AFDN: variants seen among roughly 807,000 people sequenced by gnomAD.
AFDN encodes afadin, adherens junction formation factor.
Under a neutral mutation model 216.6 loss-of-function variants are expected in AFDN, and 68 were observed. The observed-to-expected ratio is 0.31, with a 90% CI of 0.26 to 0.38. AFDN has a LOEUF of 0.38. Ranked by LOEUF, AFDN falls within the 10% of genes least tolerant of loss-of-function variation. The probability of loss-of-function intolerance (pLI) is 1.00; values close to 1 mark genes in which losing one functional copy is unlikely to be tolerated. For missense variants in AFDN, 2,136 were observed against 2,342.0 expected (o/e 0.91, Z 1.82); for synonymous variants, 868 against 853.7 (o/e 1.02, Z -0.29).
chr6:167,910,411 A>G (rs1031934551), intron 13 of AFDN, among the ~76,000 whole-genome samples: 4 of 152,232 alleles, frequency 2.6e-5, no homozygotes, highest in Admixed American at 1.3e-4. Context: ...CATCAGCACA[A>G]TGCTAGTTTT....
At chr6:167,849,452 C>G (rs1257505225) in intron 1 of AFDN, among the ~76,000 whole-genome samples, 2 of 52,348 alleles carry the variant, frequency 3.8e-5, no homozygotes, top group African/African-American at 1.1e-4. Context: ...TCAAAAGTAT[C>G]CTTATATGAG....
At chr6:167,921,977 A>T (rs1039776692) in intron 21 of AFDN, among the ~76,000 whole-genome samples, 1 of 152,218 alleles carries the variant, frequency 6.6e-6, no homozygotes, top group African/African-American at 2.4e-5. Flanking sequence ...ACTGCCAGGG[A>T]AAACTCCTCA....
At chr6:167,920,157 G>C (rs559588957) in intron 21 of AFDN, among the ~76,000 whole-genome samples, 9 of 152,142 alleles carry the variant, frequency 5.9e-5, no homozygotes, top group Non-Finnish European at 1.3e-4. Flanking sequence ...TTTTAGGAAA[G>C]TGTGTGTGAA....
intron 22 of AFDN, among the ~76,000 whole-genome samples, chr6:167,923,559 G>A (rs961882782): frequency 6.7e-6 from 1 of 149,638 alleles, no homozygotes; most frequent in Non-Finnish European, 1.5e-5. Flanking sequence ...ATTGATGATC[G>A]TTCTTTTGTA....
At chr6:167,924,786 T>A (rs1792290389) in intron 22 of AFDN, among the ~76,000 whole-genome samples, 1 of 152,212 alleles carries the variant, frequency 6.6e-6, no homozygotes, top group Non-Finnish European at 1.5e-5. Flanking sequence ...GTGACTAAAT[T>A]CATCTTTAAG....
intron 22 of AFDN, 100 bp downstream of exon 22, chr6:167,923,059 C>A: frequency 3.8e-6 from 3 of 793,614 alleles, no homozygotes; most frequent in Non-Finnish European, 6.1e-6. Flanking sequence ...GGTGTGATGG[C>A]AGAGTTTTAA....
In AFDN at chr6:167,837,724, G is replaced by A. The variant is rs1265118665; in HGVS notation, c.105+10487G>A. On this transcript the variant is annotated intron_variant, in intron 1 of 33. Coordinates refer to ENST00000683244, the MANE Select transcript of AFDN (RefSeq NM_001386888.1). ...GGGAGATTAAATAACTTGCTTCAGG[G>A]TATGCAAAACTAGTAAGCCACAGAG... Among the ~76,000 whole-genome samples, 4 of 152,182 alleles carry A rather than the reference G, an allele frequency of 2.6e-5. 1 individual carries two copies. Among genetic ancestry groups the A allele is most frequent in the Admixed American group, 2.0e-4 (3 of 15,276 alleles).
At position 167,898,375 on chromosome 6, in the gene AFDN, A is replaced by G. The variant is rs756401407; in HGVS notation, c.1488A>G (p.Val496=). The change falls in exon 11 of 34, where the codon GTA becomes GTG. Residue 496 remains valine, a synonymous_variant. Coordinates refer to ENST00000683244, the MANE Select transcript of AFDN (RefSeq NM_001386888.1). Reference sequence around the variant, plus strand: ...AAGTGCAGTTTGGGGCGTCCCATGTATTTAAGTTTGTGGACCCCAGTCAGG... The same window carrying G: ...AAGTGCAGTTTGGGGCGTCCCATGTGTTTAAGTTTGTGGACCCCAGTCAGG... The part of the protein sequence containing the change: ...GMKVQFGASH[V]FKFVDPSQDH... The G allele has an allele frequency of 6.2e-7, 1 of 1,614,080 alleles. No individual in the cohort carries two copies. Among genetic ancestry groups the G allele is most frequent in the Non-Finnish European group, 8.5e-7 (1 of 1,180,034 alleles).
chr6:167,962,919 G>A lies in AFDN; in HGVS notation c.4968+352G>A. On this transcript the variant is annotated intron_variant, in intron 31 of 33. Transcript: ENST00000683244. The surrounding 1 kb of genome is among the most constrained non-coding windows in gnomAD (Gnocchi z 5.2). Reference sequence around the variant, plus strand: ...ATTGTGAAGGTGACATTGGTTCAGTGATTGCTTAAATGGCATGTGGACCGT... The same window carrying A: ...ATTGTGAAGGTGACATTGGTTCAGTAATTGCTTAAATGGCATGTGGACCGT... The A allele has an allele frequency of 8.7e-7, 1 of 1,146,578 alleles. No homozygotes were observed. Among genetic ancestry groups the A allele is most frequent in the South Asian group, 3.5e-5 (1 of 28,814 alleles). The allele number at this position is 1,146,578 out of a possible 1,614,324, so 71.0% of individuals were successfully genotyped here.
intron 31 of AFDN, chr6:167,963,079 G>T: frequency 9.4e-7 from 1 of 1,068,558 alleles, no homozygotes; most frequent in East Asian, 4.9e-5. Flanking sequence ...GGAAAATTTA[G>T]TATGTAATCC....
At chr6:167,841,377 G>A (rs1781054665) in intron 1 of AFDN, among the ~76,000 whole-genome samples, 1 of 152,110 alleles carries the variant, frequency 6.6e-6, no homozygotes, top group African/African-American at 2.4e-5. Context: ...AAAAAGTTGT[G>A]TGAAGAGAGA....
chr6:167,906,019 C>T (rs1333717084), intron 12 of AFDN, among the ~76,000 whole-genome samples: 3 of 152,098 alleles, frequency 2.0e-5, no homozygotes, highest in African/African-American at 4.8e-5. Context: ...AGGAGAATGG[C>T]GTGAACCTGG....
intron 5 of AFDN, 124 bp downstream of exon 5, chr6:167,875,619 G>T (rs766944001): frequency 1.0e-6 from 1 of 990,022 alleles, no homozygotes; most frequent in East Asian, 2.4e-5. Flanking sequence ...TAACAAATGT[G>T]TACCATATAC....
rs750792292 is a variant in AFDN, at chr6:167,914,266, A to G, written c.2157A>G (p.Thr719=). The G allele has an allele frequency of 2.9e-5, 47 of 1,614,088 alleles. No individual in the cohort carries two copies. The highest frequency in any genetic ancestry group is 3.9e-5 in the Non-Finnish European group (46 of 1,180,036). Residue 719 remains threonine (T), a synonymous_variant, in exon 17 of 34, where the codon ACA becomes ACG. Transcript: ENST00000683244. ...AAGACCGAGACCTTAGTCGGATCACACTGGATGCTCAAGATGTTTTAGCAC... is the reference window on the plus strand; with the variant it reads ...AAGACCGAGACCTTAGTCGGATCACGCTGGATGCTCAAGATGTTTTAGCAC... ...IKQDRDLSRI[T]LDAQDVLAHL...
At chr6:167,897,448 G>A (rs921358183) in intron 10 of AFDN, among the ~76,000 whole-genome samples, 4 of 152,084 alleles carry the variant, frequency 2.6e-5, no homozygotes, top group African/African-American at 4.8e-5. Context: ...GAATTCAGGC[G>A]AATCACCCTT....
chr6:167,940,964 G>T (rs1476235892), intron 23 of AFDN, among the ~76,000 whole-genome samples: 1 of 27,524 alleles, frequency 3.6e-5, no homozygotes, highest in Non-Finnish European at 6.1e-5. Flanking sequence ...GGGATGTAGG[G>T]GTGAGGGTGG....
intron 4 of AFDN, among the ~76,000 whole-genome samples, chr6:167,873,198 G>A (rs999894854): frequency 6.6e-6 from 1 of 152,176 alleles, no homozygotes; most frequent in Non-Finnish European, 1.5e-5. Context: ...GGTGAAGAAC[G>A]TAAAGAACTC....
intron 1 of AFDN, among the ~76,000 whole-genome samples, chr6:167,829,507 T>C (rs1779596577): frequency 1.3e-5 from 2 of 152,160 alleles, no homozygotes; most frequent in East Asian, 1.9e-4. Context: ...TCCAATTTTT[T>C]AGTTTTCTGC....
chr6:167,917,171 T>C lies in AFDN; in HGVS notation c.2648T>C (p.Leu883Ser). Residue 883 changes from leucine (L) to serine (S), a missense_variant, in exon 20 of 34, where the codon TTA becomes TCA. Around this residue, in one of 8 missense-constraint regions of AFDN, gnomAD observed 162 missense variants for 182.6 expected, o/e 0.89. Transcript: ENST00000683244. ...INSTCFKLNS[L>S]QLQALLQNYH... ...AGCACCTGCTTTAAGTTAAATTCAT[T>C]ACAACTTCAAGCCTTATTACAGAAC... 2 of 1,612,204 alleles carry C rather than the reference T, an allele frequency of 1.2e-6. No individual in the cohort carries two copies. The highest frequency in any genetic ancestry group is 1.7e-6 in the Non-Finnish European group (2 of 1,179,554).
Sources: gnomAD v4.1 joint callset for allele counts (sites outside exome capture counted in the v4.1 genomes callset) on GRCh38, gnomAD v4.1.1 for gene constraint, gnomAD v4.1.1 regional missense constraint, Gnocchi (gnomAD v3.1) non-coding constraint, MANE v1.5 for transcripts, NCBI Gene and HGNC (gene_info 2026-07-23, HGNC 2026-07-21) for gene names.